Variants in SHANK2 observed in about 807,000 individuals in gnomAD.
SHANK2 encodes the protein SH3 and multiple ankyrin repeat domains protein 2.
SHANK2 carries 43 observed loss-of-function variants against 133.7 expected under a neutral mutation model. The ratio of observed to expected loss-of-function variants is 0.32; its 90% CI spans 0.25 to 0.41. The LOEUF is 0.41. Ranked by LOEUF, SHANK2 falls within the 10% of genes least tolerant of loss-of-function variation. The pLI, the probability that SHANK2 is intolerant of heterozygous loss-of-function variation, is 1.00. For synonymous variants in SHANK2, 1,017 were observed against 952.8 expected, an observed-to-expected ratio of 1.07 and a Z score of -1.24; for missense variants, 1,994 against 2,235.8, an observed-to-expected ratio of 0.89 and a Z score of 2.18.
intron 18 of SHANK2, 93 bp from the exon 19 acceptor site, chr11:70,502,379 G>T: frequency 1.6e-6 from 2 of 1,225,394 alleles, no homozygotes; most frequent in Non-Finnish European, 2.3e-6. Flanking sequence ...TGGCAGGTGG[G>T]TCTCAGGCTG....
intron 8 of SHANK2, among the ~76,000 whole-genome samples, chr11:71,085,710 A>ATATATAT (rs1555092665): frequency 3.1e-5 from 2 of 63,856 alleles, no homozygotes; most frequent in Admixed American, 3.0e-4. Context: ...TATATGTTAT[A>ATATATAT]TATATTATAT....
In SHANK2 at chr11:70,915,410, C is replaced by T. The variant is rs76308048; in HGVS notation, c.1108-18843G>A. Among the ~76,000 whole-genome samples, 116 of 152,258 alleles carry T rather than the reference C, an allele frequency of 7.6e-4. 3 individuals carry two copies. In the East Asian group the frequency reaches 0.019, roughly 24 times the overall value. On this transcript the variant is annotated intron_variant, in intron 10 of 25. Transcript: ENST00000601538. ...CCATCTGTGGACAGATAATGAGAGA[C>T]AATAATCCAAGAATAGCTATCAGGC...
At chr11:70,684,945 A>G (rs61886408) in intron 15 of SHANK2, among the ~76,000 whole-genome samples, 12,904 of 152,136 alleles carry the variant, frequency 0.085, 644 homozygotes, top group Middle Eastern at 0.12. Context: ...AAGAGGCAGG[A>G]CAATTACTTT....
chr11:71,223,653 T>C (rs1954593713), intron 2 of SHANK2, among the ~76,000 whole-genome samples: 1 of 152,222 alleles, frequency 6.6e-6, no homozygotes, highest in Admixed American at 6.5e-5. Flanking sequence ...CAATCCCCTT[T>C]GGATGCCGAG....
chr11:70,868,227 T>C (rs906902050), intron 11 of SHANK2, among the ~76,000 whole-genome samples: 2 of 152,218 alleles, frequency 1.3e-5, no homozygotes, highest in Non-Finnish European at 2.9e-5. Flanking sequence ...GTGGGTCGCA[T>C]AGACACAGAG....
intron 14 of SHANK2, among the ~76,000 whole-genome samples, chr11:70,736,925 T>A (rs1282400252): frequency 6.6e-6 from 1 of 152,300 alleles, no homozygotes; most frequent in Admixed American, 6.5e-5. Context: ...GAATTCAGCC[T>A]CTTCCTTGCG....
rs571808565 is a variant in SHANK2, at chr11:71,245,271, C to T, written c.-113+7154G>A. On this transcript the variant is annotated intron_variant, in intron 1 of 25. Coordinates refer to ENST00000601538, the MANE Select transcript of SHANK2 (RefSeq NM_012309.5). ...CTGGGATTACAGGCCTGAGCCACCTCGACCGGCCTCACCAAGTGTTTTTCT... is the reference window on the plus strand; with the variant it reads ...CTGGGATTACAGGCCTGAGCCACCTTGACCGGCCTCACCAAGTGTTTTTCT... Among the ~76,000 whole-genome samples, 9 of 152,352 alleles carry T rather than the reference C, an allele frequency of 5.9e-5. No individual in the cohort carries two copies. In the East Asian group the frequency reaches 1.4e-3, roughly 23 times the overall value.
chr11:70,913,882 C>T (rs1950230362), intron 10 of SHANK2, among the ~76,000 whole-genome samples: 1 of 152,224 alleles, frequency 6.6e-6, no homozygotes, highest in African/African-American at 2.4e-5. Context: ...AAACAACACT[C>T]ACGTTTAACC....
At chr11:70,729,587 C>A (rs180730309) in intron 14 of SHANK2, among the ~76,000 whole-genome samples, 1 of 149,136 alleles carries the variant, frequency 6.7e-6, no homozygotes, top group African/African-American at 2.5e-5. Context: ...TGCAGTGGTG[C>A]GATCTCGGCT....
At chr11:70,948,243 T>C in intron 10 of SHANK2, 1 of 456,690 alleles carries the variant, frequency 2.2e-6, no homozygotes, top group Middle Eastern at 3.3e-4. Flanking sequence ...GTATTTTTCT[T>C]CCTGTCATTT....
chr11:71,242,212 G>A (rs1306428877), intron 1 of SHANK2, among the ~76,000 whole-genome samples: 1 of 152,090 alleles, frequency 6.6e-6, no homozygotes. Flanking sequence ...CAGACTGGTG[G>A]TCGCCAGGGG....
intron 8 of SHANK2, among the ~76,000 whole-genome samples, chr11:71,077,304 A>G (rs1432338890): frequency 1.3e-5 from 2 of 152,224 alleles, no homozygotes; most frequent in Non-Finnish European, 1.5e-5. Context: ...CAATTAATCC[A>G]CACTCATTAT....
At chr11:70,711,024 T>C (rs555870986) in intron 14 of SHANK2, among the ~76,000 whole-genome samples, 1 of 152,270 alleles carries the variant, frequency 6.6e-6, no homozygotes, top group South Asian at 2.1e-4. Context: ...GGGAGAGGCA[T>C]GTGGGTGAAG....
At chr11:71,104,629 T>A (rs1555097411) in intron 6 of SHANK2, among the ~76,000 whole-genome samples, 1 of 152,208 alleles carries the variant, frequency 6.6e-6, no homozygotes, top group Non-Finnish European at 1.5e-5. Context: ...ACCCGCAGCT[T>A]CCTTTGTTTC....
At chr11:70,534,725 C>G (rs2059522474) in intron 17 of SHANK2, among the ~76,000 whole-genome samples, 1 of 152,226 alleles carries the variant, frequency 6.6e-6, no homozygotes, top group African/African-American at 2.4e-5. Context: ...CATGTCACTT[C>G]TTCCCATAAA....
chr11:70,702,461 TATC>T (rs1477596881), intron 14 of SHANK2, among the ~76,000 whole-genome samples: 11 of 150,716 alleles, frequency 7.3e-5, no homozygotes, highest in African/African-American at 2.2e-4. Context: ...CCATCATCAC[TATC>T]ATCACCACTA....
At chr11:70,930,200 A>G (rs1354831737) in intron 10 of SHANK2, among the ~76,000 whole-genome samples, 2 of 152,352 alleles carry the variant, frequency 1.3e-5, no homozygotes, top group East Asian at 3.9e-4. Context: ...TCCCTGGATG[A>G]GGATCAGAAA....
chr11:70,815,684 CAGG>C (rs1948378793), intron 12 of SHANK2, among the ~76,000 whole-genome samples: 1 of 152,108 alleles, frequency 6.6e-6, no homozygotes, highest in Non-Finnish European at 1.5e-5. Context: ...GAGCCCAGGC[CAGG>C]AGGCACTGGG....
chr11:70,495,815 C>G, intron 21 of SHANK2: 1 of 194,914 alleles, frequency 5.1e-6, no homozygotes, highest in Non-Finnish European at 1.1e-5. Flanking sequence ...TTCCAGGTGG[C>G]GAGCTCTGGG....
Sources: allele counts gnomAD v4.1 joint callset (sites outside exome capture counted in the v4.1 genomes callset), GRCh38; gene constraint gnomAD v4.1.1; transcripts MANE v1.5; gene names NCBI Gene and HGNC (gene_info 2026-07-23, HGNC 2026-07-21).